XRCC5: variants seen among roughly 807,000 people sequenced by gnomAD.
The protein encoded by XRCC5 is DNA repair protein Ku80.
Under a neutral mutation model 95.7 loss-of-function variants are expected in XRCC5, and 12 were observed. The observed-to-expected ratio is 0.13, with a 90% confidence interval of 0.08 to 0.20. XRCC5 has a LOEUF of 0.20. Among genes scored for constraint, XRCC5 ranks in the 10% least tolerant of loss-of-function variants. The pLI, the probability that XRCC5 is intolerant of heterozygous loss-of-function variation, is 1.00. For synonymous variants in XRCC5, 281 were observed against 290.3 expected (o/e 0.97, Z 0.33); for missense variants, 595 against 873.9 (o/e 0.68, Z 4.02).
chr2:216,110,088 A>G (rs569499301), intron 1 of XRCC5, among the ~76,000 whole-genome samples: 29 of 152,308 alleles, frequency 1.9e-4, no homozygotes, highest in Admixed American at 1.6e-3. Context: ...TGCAAGTGGG[A>G]AAACCGAGGA....
At chr2:216,174,543 T>G (rs1008267158) in intron 16 of XRCC5, among the ~76,000 whole-genome samples, 3 of 152,228 alleles carry the variant, frequency 2.0e-5, no homozygotes, top group African/African-American at 4.8e-5. Context: ...TTAATTTTTT[T>G]ATTCCTGTTA....
At chr2:216,164,291 CTG>C (rs1349905118) in intron 16 of XRCC5, among the ~76,000 whole-genome samples, 1 of 152,334 alleles carries the variant, frequency 6.6e-6, no homozygotes, top group South Asian at 2.1e-4. Flanking sequence ...TGATTGGACT[CTG>C]TGGTTGGTGT....
At chr2:216,181,468 T>C (rs1689385052) in intron 16 of XRCC5, among the ~76,000 whole-genome samples, 1 of 152,202 alleles carries the variant, frequency 6.6e-6, no homozygotes, top group African/African-American at 2.4e-5. Context: ...TCTGTGAACC[T>C]TGTATTCAAA....
At chr2:216,175,678 C>T in intron 16 of XRCC5, 1 of 419,962 alleles carries the variant, frequency 2.4e-6, no homozygotes, top group Non-Finnish European at 4.5e-6. Context: ...CCAGGCTTTA[C>T]AGAATCCTCT....
At chr2:216,190,548 T>C (rs986493976) in intron 17 of XRCC5, among the ~76,000 whole-genome samples, 1 of 152,210 alleles carries the variant, frequency 6.6e-6, no homozygotes, top group African/African-American at 2.4e-5. Flanking sequence ...GTAGGGTGTT[T>C]TATCCCTGAA....
chr2:216,205,147 T>C (rs1248166861), intron 20 of XRCC5, 41 bp from the exon 21 acceptor site: 8 of 1,613,300 alleles, frequency 5.0e-6, no homozygotes, highest in Non-Finnish European at 6.8e-6. Context: ...TGGTATGAAA[T>C]TGGCCTGATT....
chr2:216,114,244 A>C (rs1696643310), intron 2 of XRCC5, among the ~76,000 whole-genome samples: 1 of 152,116 alleles, frequency 6.6e-6, no homozygotes, highest in Non-Finnish European at 1.5e-5. Flanking sequence ...TGCTAAGTCC[A>C]TGAGTTCCTG....
chr2:216,110,006 G>A (rs1005304935), intron 1 of XRCC5, among the ~76,000 whole-genome samples: 1 of 152,202 alleles, frequency 6.6e-6, no homozygotes, highest in Non-Finnish European at 1.5e-5. Flanking sequence ...GTGAGGGACG[G>A]ATCTAAACCT....
chr2:216,155,082 T>C (rs888536502), intron 14 of XRCC5, among the ~76,000 whole-genome samples: 13 of 150,644 alleles, frequency 8.6e-5, no homozygotes, highest in Non-Finnish European at 1.9e-4. Flanking sequence ...AAAAATTAGC[T>C]AGGCATGATG....
chr2:216,195,382 T>TTTCTTTTCTTTTCTTTTCTTTTC lies in XRCC5; in HGVS notation c.2109+405_2109+406insTTTCTTTTCTTTTCTTCTTTTCT, dbSNP rs1553580654. Among the ~76,000 whole-genome samples the TTTCTTTTCTTTTCTTTTCTTTTC allele has an allele frequency of 3.8e-5, 5 of 133,264 alleles. No homozygotes were observed. The South Asian group carries it at 1.3e-3, about 35-fold the overall frequency. The allele number at this position is 133,264 out of a possible 152,430, so 87.4% of individuals were successfully genotyped here. ...TTTCTTTTCTTTTCTTTTCTTTTCT[T>TTTCTTTTCTTTTCTTTTCTTTTC]TTCTTTTCTCTTTCTTTTCTCTCTC... On this transcript the variant is annotated intron_variant, in intron 19 of 20. Transcript: ENST00000392132.
rs760242239 is a variant in XRCC5, at chr2:216,141,193, G to A, written c.1350G>A (p.Gln450=). 2 of 1,614,146 alleles carry A rather than the reference G, an allele frequency of 1.2e-6. No homozygotes were observed. Among genetic ancestry groups the A allele is most frequent in the Non-Finnish European group, 1.7e-6 (2 of 1,180,002 alleles). The change falls in exon 13 of 21, where the codon CAG becomes CAA. Residue 450 remains glutamine, a synonymous_variant. Transcript: ENST00000392132. ...TCGGCTTCTCTGTTTAAGAGGCACA[G>A]TTGAATGCTGTTGATGCTTTGATTG... ...NSKKYAPTEA[Q]LNAVDALIDS...
chr2:216,119,748 C>G (rs1046169961), intron 5 of XRCC5, among the ~76,000 whole-genome samples: 1 of 152,226 alleles, frequency 6.6e-6, no homozygotes, highest in East Asian at 1.9e-4. Context: ...ATGTATTTCA[C>G]AATTTATTAG....
chr2:216,117,677 T>A (rs1696724556), intron 3 of XRCC5, 69 bp from the exon 4 acceptor site: 1 of 1,529,914 alleles, frequency 6.5e-7, no homozygotes, highest in Non-Finnish European at 9.1e-7. Flanking sequence ...ACGGTGGACT[T>A]CATTGGAAAG....
At chr2:216,127,784 T>A in intron 8 of XRCC5, 110 bp downstream of exon 8, 2 of 1,244,410 alleles carry the variant, frequency 1.6e-6, no homozygotes, top group Non-Finnish European at 2.2e-6. Context: ...CTTTGAGTTA[T>A]AGAAATATAA....
intron 16 of XRCC5, among the ~76,000 whole-genome samples, chr2:216,174,142 G>T (rs979602418): frequency 1.3e-5 from 2 of 149,370 alleles, no homozygotes; most frequent in Non-Finnish European, 3.0e-5. Flanking sequence ...TGAGTTCTTT[G>T]TGGGGAGCTT....
At chr2:216,120,454 T>A (rs1249954548) in intron 5 of XRCC5, among the ~76,000 whole-genome samples, 1 of 152,214 alleles carries the variant, frequency 6.6e-6, no homozygotes, top group African/African-American at 2.4e-5. Flanking sequence ...GCTACAAACC[T>A]CCAGCATACA....
intron 18 of XRCC5, 37 bp from the exon 19 acceptor site, chr2:216,194,882 T>C: frequency 2.5e-6 from 4 of 1,603,806 alleles, no homozygotes; most frequent in Non-Finnish European, 3.4e-6. Flanking sequence ...GGGTTGATTC[T>C]TTGTGTTTTG....
intron 18 of XRCC5, 26 bp downstream of exon 18, chr2:216,192,761 T>A (rs1805381): frequency 0.13 from 189,489 of 1,449,016 alleles, 14,103 homozygotes; most frequent in African/African-American, 0.33. Flanking sequence ...CCTTTTTTTT[T>A]AAAAAGTATT....
intron 5 of XRCC5, among the ~76,000 whole-genome samples, chr2:216,120,807 C>G (rs1326904159): frequency 6.6e-6 from 1 of 152,196 alleles, no homozygotes; most frequent in Non-Finnish European, 1.5e-5. Flanking sequence ...GCAATCTCGG[C>G]TCACTGCAAC....
Sources: gnomAD v4.1 joint callset for allele counts (sites outside exome capture counted in the v4.1 genomes callset) on GRCh38, gnomAD v4.1.1 for gene constraint, MANE v1.5 for transcripts, NCBI Gene and HGNC (gene_info 2026-07-23, HGNC 2026-07-21) for gene names.